The following MYH11 variants were observed in gnomAD, a reference collection of about 807,000 sequenced individuals.
The protein encoded by MYH11 is myosin heavy chain 11.
In MYH11, 80 loss-of-function variants were observed where a neutral mutation model predicts 246.6. The ratio of observed to expected loss-of-function variants is 0.32; its 90% CI spans 0.27 to 0.39. The LOEUF is 0.39. Among genes scored for constraint, MYH11 ranks in the 10% least tolerant of loss-of-function variants. The pLI is 1.00. For missense variants in MYH11, 2,158 were observed against 2,546.8 expected, an observed-to-expected ratio of 0.85 and a Z score of 3.29; for synonymous variants, 1,071 against 1,015.5, an observed-to-expected ratio of 1.05 and a Z score of -1.04.
chr16:15,741,148 T>C (rs2041260770), intron 22 of MYH11: 2 of 515,154 alleles, frequency 3.9e-6, no homozygotes, highest in Non-Finnish European at 7.1e-6. Context: ...GCAATACTTT[T>C]TATTTTTAGC....
chr16:15,726,550 T>A (rs1025953578), intron 28 of MYH11: 5 of 479,508 alleles, frequency 1.0e-5, no homozygotes, highest in Non-Finnish European at 1.5e-5. Context: ...TTTGTATTTT[T>A]AGTAGAGACT....
At chr16:15,775,969 C>T in intron 8 of MYH11, 109 bp downstream of exon 8, 2 of 839,430 alleles carry the variant, frequency 2.4e-6, no homozygotes, top group Non-Finnish European at 2.1e-6. Context: ...CAGACATGGT[C>T]CTTTCTGGCA....
chr16:15,856,357 C>G (rs1169109028), intron 1 of MYH11, among the ~76,000 whole-genome samples: 1 of 151,284 alleles, frequency 6.6e-6, no homozygotes, highest in African/African-American at 2.4e-5. Context: ...AACAACACTC[C>G]TTTCTGCTAA....
intron 40 of MYH11, among the ~76,000 whole-genome samples, chr16:15,704,787 G>A (rs1178718858): frequency 1.3e-5 from 2 of 152,208 alleles, no homozygotes; most frequent in South Asian, 2.1e-4. Flanking sequence ...CGCACATGGC[G>A]TAAAACAGGT....
At position 15,703,566 on chromosome 16, in the gene MYH11, A is replaced by G; in HGVS notation, c.*425T>C. 3.0e-6 allele frequency: 1 copy of G among 336,452 alleles called. No homozygotes were observed. Among genetic ancestry groups the G allele is most frequent in the African/African-American group, 2.1e-5 (1 of 48,722 alleles). The allele number at this position is 336,452 out of a possible 1,614,324, so 20.8% of individuals were successfully genotyped here. A position where few individuals can be genotyped will look rare whatever the true frequency, so the allele number is the denominator to read the frequency against. On this transcript the variant is annotated 3_prime_UTR_variant, in exon 41 of 41. Coordinates refer to ENST00000300036, the MANE Select transcript of MYH11 (RefSeq NM_002474.3). ...TTACATCATACAAACTTCAATTTTTACCTTGAATACAGGGGTAGTAGGGGT... is the reference window on the plus strand; with the variant it reads ...TTACATCATACAAACTTCAATTTTTGCCTTGAATACAGGGGTAGTAGGGGT...
intron 40 of MYH11, chr16:15,714,559 G>A: frequency 2.3e-6 from 1 of 430,864 alleles, no homozygotes. Context: ...GCGGGGGGTG[G>A]TGTTGCAGCT....
At chr16:15,794,969 C>T (rs976606472) in intron 4 of MYH11, among the ~76,000 whole-genome samples, 2 of 152,138 alleles carry the variant, frequency 1.3e-5, no homozygotes, top group South Asian at 2.1e-4. Flanking sequence ...AACCATTTCA[C>T]GAGGGGAACG....
At chr16:15,847,246 C>CA in intron 1 of MYH11, among the ~76,000 whole-genome samples, 1 of 112,262 alleles carries the variant, frequency 8.9e-6, no homozygotes, top group East Asian at 3.2e-4. Flanking sequence ...AAGTGGACTT[C>CA]TTTTTTTTTT....
At chr16:15,825,385 A>AC (rs1359806110) in intron 2 of MYH11, among the ~76,000 whole-genome samples, 2 of 133,406 alleles carry the variant, frequency 1.5e-5, no homozygotes, top group Non-Finnish European at 3.1e-5. Context: ...CCCCCTCTCT[A>AC]CAAAAAAAAA....
At chr16:15,804,555 A>G (rs2042966483) in intron 3 of MYH11, among the ~76,000 whole-genome samples, 1 of 152,130 alleles carries the variant, frequency 6.6e-6, no homozygotes, top group African/African-American at 2.4e-5. Context: ...AAATAACTAA[A>G]GTGCATAATT....
chr16:15,756,550 C>G (rs561982993), intron 13 of MYH11, 36 bp from the exon 14 acceptor site: 3 of 1,611,596 alleles, frequency 1.9e-6, no homozygotes, highest in Non-Finnish European at 2.5e-6. Context: ...TCAGAGAGAA[C>G]ACCCAACCTC....
intron 9 of MYH11, among the ~76,000 whole-genome samples, chr16:15,769,116 C>G (rs1016511628): frequency 6.6e-6 from 1 of 152,156 alleles, no homozygotes; most frequent in African/African-American, 2.4e-5. Flanking sequence ...AGTTTAAGAC[C>G]AGCCTGGCCA....
chr16:15,716,148 C>G (rs1283508900), intron 38 of MYH11, among the ~76,000 whole-genome samples: 1 of 151,930 alleles, frequency 6.6e-6, no homozygotes, highest in Non-Finnish European at 1.5e-5. Flanking sequence ...AGACTGGTCT[C>G]GAACTCCTGG....
rs142729308 is a variant in MYH11 at position 15,731,034 on chromosome 16, G to T, written c.3651+1530C>A. ...AAAGAAAAATCGCTATGTTGCCCAGGCGATCTGAAAGTCCTGGGCTCAAGC... is the reference window on the plus strand; with the variant it reads ...AAAGAAAAATCGCTATGTTGCCCAGTCGATCTGAAAGTCCTGGGCTCAAGC... On this transcript the variant is annotated intron_variant, in intron 27 of 40. Transcript: ENST00000300036. Among the ~76,000 whole-genome samples the T allele has an allele frequency of 2.0e-3, 311 of 152,128 alleles. 2 individuals are homozygous for T. The highest frequency in any genetic ancestry group is 6.8e-3 in the African/African-American group (282 of 41,498).
At chr16:15,821,923 T>TC (rs2043423465) in intron 3 of MYH11, among the ~76,000 whole-genome samples, 1 of 89,864 alleles carries the variant, frequency 1.1e-5, no homozygotes, top group Non-Finnish European at 2.2e-5. Context: ...AGACTCCGTC[T>TC]CAAAAAAAAA....
chr16:15,735,257 T>C, intron 26 of MYH11, 109 bp downstream of exon 26: 1 of 1,215,946 alleles, frequency 8.2e-7, no homozygotes, highest in South Asian at 1.2e-5. Context: ...GCCAGGAAGG[T>C]AAATGCACAG....
intron 3 of MYH11, among the ~76,000 whole-genome samples, chr16:15,807,638 CG>C (rs1348793156): frequency 2.0e-5 from 3 of 152,172 alleles, no homozygotes; most frequent in South Asian, 4.2e-4. Context: ...GAGCTGGGGG[CG>C]GCCGGCCATC....
At chr16:15,849,713 A>C (rs1367366990) in intron 1 of MYH11, among the ~76,000 whole-genome samples, 1 of 152,024 alleles carries the variant, frequency 6.6e-6, no homozygotes, top group African/African-American at 2.4e-5. Context: ...CAGCCTCCCA[A>C]AGTGCTAGGA....
intron 1 of MYH11, among the ~76,000 whole-genome samples, chr16:15,853,599 A>C (rs1196456690): frequency 6.6e-6 from 1 of 152,154 alleles, no homozygotes; most frequent in African/African-American, 2.4e-5. Flanking sequence ...GGTTTCTTTC[A>C]AATTCTTGCC....
Sources: gnomAD v4.1 joint callset for allele counts (sites outside exome capture counted in the v4.1 genomes callset) on GRCh38, gnomAD v4.1.1 for gene constraint, MANE v1.5 for transcripts, NCBI Gene and HGNC (gene_info 2026-07-23, HGNC 2026-07-21) for gene names.